The following PATL2 variants were observed in gnomAD, a reference collection of about 807,000 sequenced individuals.
PATL2 encodes the protein protein PAT1 homolog 2.
A neutral mutation model predicts 77.0 loss-of-function variants in PATL2; 73 were observed. The observed-to-expected ratio is 0.95, with a 90% CI of 0.78 to 1.15. The LOEUF (loss-of-function observed/expected upper bound fraction) is 1.15, where lower values mean the gene tolerates loss of function less well. PATL2 is among the 50% of genes most tolerant of loss of function. The probability of loss-of-function intolerance (pLI) is 0.00; values close to 1 mark genes in which losing one functional copy is unlikely to be tolerated. For synonymous variants in PATL2, 265 were observed against 257.1 expected, an observed-to-expected ratio of 1.03 and a Z score of -0.29; for missense variants, 618 against 655.4, an observed-to-expected ratio of 0.94 and a Z score of 0.62.
intron 4 of PATL2, 61 bp from the exon 5 acceptor site, chr15:44,675,752 A>G: frequency 7.1e-7 from 1 of 1,408,050 alleles, no homozygotes; most frequent in East Asian, 2.5e-5. Flanking sequence ...AGTCTTGTCT[A>G]GAGAGGCTGC....
chr15:44,704,155 A>ATTTT lies in PATL2; in HGVS notation c.-76+5937_-76+5940dup, dbSNP rs374729545. On this transcript the variant is annotated intron_variant, in intron 3 of 17. Transcript: ENST00000682850. Reference sequence around the variant, plus strand: ...AGGTGAGTGCCACTATGTCTGGCTAATTTTTTTTTTTTTTTTTTGGTAGAG... The same window carrying ATTTT: ...AGGTGAGTGCCACTATGTCTGGCTAATTTTTTTTTTTTTTTTTTTTTTGGTAGAG... 4.2e-3 allele frequency among the ~76,000 whole-genome samples: 559 copies of ATTTT among 134,052 alleles called. 10 individuals are homozygous for ATTTT. Among genetic ancestry groups the ATTTT allele is most frequent in the African/African-American group, 0.015 (533 of 36,390 alleles). The allele number at this position is 134,052 out of a possible 152,430, so 87.9% of individuals were successfully genotyped here. A position where few individuals can be genotyped will look rare whatever the true frequency, so the allele number is the denominator to read the frequency against.
At chr15:44,689,387 T>C (rs1468562393) in intron 3 of PATL2, among the ~76,000 whole-genome samples, 1 of 152,224 alleles carries the variant, frequency 6.6e-6, no homozygotes, top group African/African-American at 2.4e-5. Context: ...TTATAAATCA[T>C]GCTGCTATAA....
At chr15:44,704,214 C>T (rs2086688448) in intron 3 of PATL2, among the ~76,000 whole-genome samples, 1 of 150,808 alleles carries the variant, frequency 6.6e-6, no homozygotes, top group African/African-American at 2.4e-5. Context: ...ACTTTCACCA[C>T]CGTGTTTTCC....
intron 5 of PATL2, 196 bp downstream of exon 5, chr15:44,675,290 C>A: frequency 1.6e-6 from 1 of 637,432 alleles, no homozygotes; most frequent in South Asian, 2.2e-5. Flanking sequence ...GCGAGAACAG[C>A]ATCAGAAATG....
At chr15:44,669,633 A>AG (rs2085564737) in intron 11 of PATL2, 70 bp from the exon 12 acceptor site, 1 of 1,522,386 alleles carries the variant, frequency 6.6e-7, no homozygotes, top group African/African-American at 1.4e-5. Context: ...GCCCCCAACT[A>AG]GCTAGAGATT....
At position 44,670,007 on chromosome 15, in the gene PATL2, C is replaced by T. The variant is rs1465736690; in HGVS notation, c.738G>A (p.Leu246=). The T allele has an allele frequency of 4.5e-6, 7 of 1,550,026 alleles. No homozygotes were observed. The African/African-American group carries it at 8.2e-5, about 18-fold the overall frequency. The stretch of plus-strand genomic sequence containing the variant: ...CTGCCTTCGGAATGTAAGGCGTTAC[C>T]AGCTTGAGGGACTCAACCCGGTTTC... ...GRRNRVESLK[L]VTPYIPKAEA... The change falls in exon 10 of 18, where the codon CTG becomes CTA. Residue 246 remains leucine (L), a synonymous_variant. Coordinates refer to ENST00000682850, the MANE Select transcript of PATL2 (RefSeq NM_001387263.1).
chr15:44,699,222 C>T (rs183813220), intron 3 of PATL2, among the ~76,000 whole-genome samples: 1 of 152,006 alleles, frequency 6.6e-6, no homozygotes, highest in African/African-American at 2.4e-5. Flanking sequence ...TTGATTGTTT[C>T]TTTTGCTGTG....
Position 44,675,486 on chromosome 15 carries a change from C to A in PATL2, c.222G>T (p.Gln74His). The A allele has an allele frequency of 6.4e-7, 1 of 1,550,874 alleles. No homozygotes were observed. The highest frequency in any genetic ancestry group is 8.7e-7 in the Non-Finnish European group (1 of 1,146,464). ...PAVLGAVHNT[Q>H]RALLSSPGVK... is the part of the protein sequence containing the mutation. ...CTCCCATTCCCTTCTGCCATGGTAC[C>A]TGGGTGTTGTGGACAGCACCAAGTA... is the stretch of plus-strand genomic sequence containing the variant. Residue 74 changes from glutamine (Q) to histidine (H), a missense_variant and splice_region_variant, in exon 5 of 18, where the codon CAG becomes CAT. Physicochemically the swap from Gln to His is conservative, Grantham distance 24 (BLOSUM62 0). Coordinates refer to ENST00000682850, the MANE Select transcript of PATL2 (RefSeq NM_001387263.1).
chr15:44,691,318 A>G (rs937064753), intron 3 of PATL2, among the ~76,000 whole-genome samples: 1 of 152,204 alleles, frequency 6.6e-6, no homozygotes, highest in African/African-American at 2.4e-5. Flanking sequence ...TGATTAATCT[A>G]TAACTGCTAC....
chr15:44,666,432 C>T lies in PATL2; in HGVS notation c.1573G>A (p.Val525Met), dbSNP rs759282207. ...AGCTGCTGAACCAATTGTTTGTCCA[C>T]GTGGTGACAGAACAGGGGAAGTAGG... is the stretch of plus-strand genomic sequence containing the variant. ...SNLLPLFCHH[V>M]DKQLVQQLEA... is the part of the protein sequence containing the mutation. The change falls in exon 17 of 18, where the codon GTG becomes ATG. Residue 525 changes from valine to methionine, a missense_variant. By Grantham distance (21) the Val-to-Met change is conservative. Coordinates refer to ENST00000682850, the MANE Select transcript of PATL2 (RefSeq NM_001387263.1). 13 of 1,551,566 alleles carry T rather than the reference C, an allele frequency of 8.4e-6. No individual in the cohort carries two copies. In the Admixed American group the frequency reaches 9.8e-5, roughly 12 times the overall value.
intron 3 of PATL2, 125 bp from the exon 4 acceptor site, chr15:44,676,690 AGAG>A (rs1331194070): frequency 5.0e-6 from 6 of 1,191,216 alleles, no homozygotes; most frequent in Middle Eastern, 3.0e-4. Context: ...TCTTGAGGAG[AGAG>A]ACCCTGGGGT....
chr15:44,698,182 T>A (rs2086552397), intron 3 of PATL2, among the ~76,000 whole-genome samples: 1 of 152,088 alleles, frequency 6.6e-6, no homozygotes, highest in Non-Finnish European at 1.5e-5. Flanking sequence ...GATACAGGTA[T>A]AATAATCACA....
chr15:44,675,764 A>G, intron 4 of PATL2, 73 bp from the exon 5 acceptor site: 2 of 1,247,234 alleles, frequency 1.6e-6, no homozygotes, highest in Non-Finnish European at 2.2e-6. Flanking sequence ...AGAGGCTGCT[A>G]CTCAATAGCA....
intron 3 of PATL2, among the ~76,000 whole-genome samples, chr15:44,703,611 C>T (rs1017424434): frequency 3.3e-5 from 5 of 150,560 alleles, no homozygotes; most frequent in Non-Finnish European, 5.9e-5. Context: ...TATTCATGAT[C>T]CTTTTTGGTT....
At chr15:44,699,156 A>C (rs2086576122) in intron 3 of PATL2, among the ~76,000 whole-genome samples, 2 of 151,928 alleles carry the variant, frequency 1.3e-5, no homozygotes, top group Non-Finnish European at 2.9e-5. Flanking sequence ...AATACTTGTG[A>C]GATGGATTTG....
At chr15:44,667,300 A>G in intron 15 of PATL2, 97 bp from the exon 16 acceptor site, 1 of 877,012 alleles carries the variant, frequency 1.1e-6, no homozygotes, top group Admixed American at 2.2e-5. Flanking sequence ...GGACAGGTTC[A>G]CATTTAGAGA....
intron 3 of PATL2, among the ~76,000 whole-genome samples, chr15:44,679,671 C>T (rs1338133885): frequency 6.6e-6 from 1 of 150,564 alleles, no homozygotes; most frequent in Non-Finnish European, 1.5e-5. Flanking sequence ...GGATTACAGG[C>T]GTGAGCCACT....
intron 3 of PATL2, among the ~76,000 whole-genome samples, chr15:44,684,088 G>A (rs2086197486): frequency 2.7e-5 from 4 of 150,456 alleles, no homozygotes; most frequent in Non-Finnish European, 5.9e-5. Flanking sequence ...AACCCCATCC[G>A]AAGGTTACCA....
At chr15:44,680,867 C>T (rs1428061270) in intron 3 of PATL2, among the ~76,000 whole-genome samples, 5 of 152,118 alleles carry the variant, frequency 3.3e-5, no homozygotes, top group Admixed American at 1.3e-4. Flanking sequence ...AATTATTTGA[C>T]GTATTAGTTC....
Sources: allele counts gnomAD v4.1 joint callset (sites outside exome capture counted in the v4.1 genomes callset), GRCh38; gene constraint gnomAD v4.1.1; transcripts MANE v1.5; gene names NCBI Gene and HGNC (gene_info 2026-07-23, HGNC 2026-07-21).